LGR6: variants seen among roughly 807,000 people sequenced by gnomAD.
LGR6 encodes leucine rich repeat containing G protein-coupled receptor 6.
Under a neutral mutation model 69.4 loss-of-function variants are expected in LGR6, and 45 were observed. That is an observed-to-expected ratio of 0.65 (90% CI 0.51 to 0.83). LGR6 has a LOEUF of 0.83. LGR6 is among the 40% of genes least tolerant of loss of function. The pLI is 0.00. For synonymous variants in LGR6, 538 were observed against 555.0 expected (o/e 0.97, Z 0.43); for missense variants, 1,108 against 1,246.7 (o/e 0.89, Z 1.68).
chr1:202,303,097 C>A (rs1667725097), intron 9 of LGR6, among the ~76,000 whole-genome samples, 182 bp from the exon 10 acceptor site: 1 of 152,078 alleles, frequency 6.6e-6, no homozygotes, highest in Admixed American at 6.5e-5. Flanking sequence ...GCTGGTTGGA[C>A]CCTGCTAAGT....
chr1:202,310,116 T>A (rs1282065801), intron 15 of LGR6, 81 bp from the exon 16 acceptor site: 1 of 1,439,208 alleles, frequency 6.9e-7, no homozygotes, highest in African/African-American at 1.4e-5. Flanking sequence ...AGCCCCTGGG[T>A]TGCAGATCTC....
At chr1:202,273,099 C>T (rs926070839) in intron 4 of LGR6, among the ~76,000 whole-genome samples, 1 of 152,174 alleles carries the variant, frequency 6.6e-6, no homozygotes, top group African/African-American at 2.4e-5. Flanking sequence ...AGTTGTGGGG[C>T]CTTGGGGGGC....
chr1:202,273,386 G>A (rs574742364), intron 4 of LGR6, among the ~76,000 whole-genome samples: 1 of 152,174 alleles, frequency 6.6e-6, no homozygotes, highest in Non-Finnish European at 1.5e-5. Context: ...CCAGATCTGC[G>A]AGATGTGTCA....
At chr1:202,244,050 C>T (rs180797054) in intron 4 of LGR6, among the ~76,000 whole-genome samples, 394 of 152,170 alleles carry the variant, frequency 2.6e-3, no homozygotes, top group African/African-American at 8.8e-3. Context: ...TTCCACCTGC[C>T]GGGTTCAAGC....
chr1:202,301,793 G>A (rs1266753387), intron 9 of LGR6, among the ~76,000 whole-genome samples: 1 of 152,034 alleles, frequency 6.6e-6, no homozygotes, highest in Non-Finnish European at 1.5e-5. Context: ...GAGGCGGGTG[G>A]ATCACTTGAG....
chr1:202,296,383 T>C (rs2148240556), intron 6 of LGR6, among the ~76,000 whole-genome samples: 1 of 152,292 alleles, frequency 6.6e-6, no homozygotes, highest in East Asian at 1.9e-4. Context: ...TTGGAAGCTC[T>C]TCGATGATAG....
intron 4 of LGR6, among the ~76,000 whole-genome samples, chr1:202,261,860 CT>C: frequency 6.6e-6 from 1 of 152,132 alleles, no homozygotes; most frequent in East Asian, 1.9e-4. Flanking sequence ...TTTCATGTGT[CT>C]TTTGGCTGCA....
intron 1 of LGR6, chr1:202,214,377 C>G (rs752927469): frequency 9.3e-6 from 8 of 864,180 alleles, no homozygotes; most frequent in African/African-American, 7.3e-5. Flanking sequence ...TTCTGGGAGC[C>G]GAGGCCGCCT....
intron 4 of LGR6, among the ~76,000 whole-genome samples, chr1:202,260,766 A>G (rs1664165709): frequency 6.6e-6 from 1 of 152,134 alleles, no homozygotes; most frequent in Non-Finnish European, 1.5e-5. Context: ...TTTGTGGCCA[A>G]CTAACTAATA....
chr1:202,204,362 ACACACACACCTCCACAC>A lies in LGR6; in HGVS notation c.212+10162_212+10178del, dbSNP rs1658962493. ...CACCTCCACACACACACACCTCCAC[ACACACACACCTCCACAC>A]ACACACCTCCACACACACACCTCCA... On this transcript the variant is annotated intron_variant, in intron 1 of 17. Coordinates refer to ENST00000367278, the MANE Select transcript of LGR6 (RefSeq NM_001017403.2). Among the ~76,000 whole-genome samples the A allele has an allele frequency of 2.5e-5, 3 of 122,186 alleles. No homozygotes were observed. The South Asian group carries it at 8.4e-4, about 34-fold the overall frequency. 80.2% of individuals were successfully genotyped at this position (122,186 alleles called of 152,430 possible).
Position 202,314,792 on chromosome 1 carries a change from C to T in LGR6, c.1568-10C>T, listed in dbSNP as rs747411499. The T allele has an allele frequency of 1.2e-6, 2 of 1,611,170 alleles. No individual in the cohort carries two copies. The highest frequency in any genetic ancestry group is 2.2e-5 in the South Asian group (2 of 91,002). ...CCCAGGACCCTGCATCACTTTGTCT[C>T]TCCTTTCAGATGACCAGGACCTGGA... is the stretch of plus-strand genomic sequence containing the variant. On this transcript the variant is annotated splice_polypyrimidine_tract_variant and intron_variant, in intron 16 of 17. Coordinates refer to ENST00000367278, the MANE Select transcript of LGR6 (RefSeq NM_001017403.2).
At chr1:202,310,987 G>A (rs1283593731) in intron 16 of LGR6, among the ~76,000 whole-genome samples, 2 of 152,010 alleles carry the variant, frequency 1.3e-5, no homozygotes, top group Non-Finnish European at 2.9e-5. Flanking sequence ...TTCTGGAAGA[G>A]TTAGGGTAAA....
At chr1:202,226,696 T>C (rs1660578069) in intron 2 of LGR6, among the ~76,000 whole-genome samples, 1 of 152,144 alleles carries the variant, frequency 6.6e-6, no homozygotes, top group African/African-American at 2.4e-5. Flanking sequence ...CAGGTGAGGC[T>C]GAAGAGTAGT....
rs750355096 is a variant in LGR6 at position 202,305,714 on chromosome 1, G to T, written c.1101G>T (p.Leu367=). The stretch of plus-strand genomic sequence containing the variant: ...TGTCTCACAATCAAATTGAGGAGCT[G>T]CCCAGCCTGCACAGGTGTCAGAAAT... ...LELSHNQIEE[L]PSLHRCQKLE... The change falls in exon 12 of 18, where the codon CTG becomes CTT. Residue 367 remains leucine, a synonymous_variant. Coordinates refer to ENST00000367278, the MANE Select transcript of LGR6 (RefSeq NM_001017403.2). The T allele has an allele frequency of 2.5e-6, 4 of 1,613,952 alleles. No individual in the cohort carries two copies. The highest frequency in any genetic ancestry group is 1.3e-5 in the African/African-American group (1 of 74,898).
In LGR6 at chr1:202,314,945, T is replaced by A. The variant is rs1016287893; in HGVS notation, c.1648+63T>A. ...GGAGAAAGGGCACCCAACCACCTAG[T>A]TGAGGTATTAGTTCAGCCTGGCATG... On this transcript the variant is annotated intron_variant, in intron 17 of 17. Transcript: ENST00000367278. 75 of 1,218,952 alleles carry A rather than the reference T, an allele frequency of 6.2e-5. No individual in the cohort carries two copies. In the East Asian group the frequency reaches 1.8e-3, roughly 29 times the overall value. 75.5% of individuals were successfully genotyped at this position (1,218,952 alleles called of 1,614,324 possible).
chr1:202,244,689 C>A (rs1247106475), intron 4 of LGR6, among the ~76,000 whole-genome samples: 1 of 152,198 alleles, frequency 6.6e-6, no homozygotes, highest in Non-Finnish European at 1.5e-5. Context: ...ATCCTTAATA[C>A]ATTTGCAAAG....
chr1:202,241,162 A>C (rs1341401008), intron 4 of LGR6, among the ~76,000 whole-genome samples: 1 of 152,188 alleles, frequency 6.6e-6, no homozygotes, highest in Non-Finnish European at 1.5e-5. Flanking sequence ...CAGCAAATGG[A>C]AATGTCTTTC....
At chr1:202,271,253 T>C (rs568960046) in intron 4 of LGR6, among the ~76,000 whole-genome samples, 83 of 152,198 alleles carry the variant, frequency 5.5e-4, no homozygotes, top group African/African-American at 2.0e-3. Flanking sequence ...GCTCGGAGAC[T>C]CCTTCAGCAA....
chr1:202,295,750 G>A (rs985701315), intron 6 of LGR6, among the ~76,000 whole-genome samples: 13 of 152,208 alleles, frequency 8.5e-5, no homozygotes, highest in South Asian at 2.1e-4. Flanking sequence ...AAGGTTTGAC[G>A]CATGAGAGGC....
Sources: gnomAD v4.1 joint callset for allele counts (sites outside exome capture counted in the v4.1 genomes callset) on GRCh38, gnomAD v4.1.1 for gene constraint, MANE v1.5 for transcripts, NCBI Gene and HGNC (gene_info 2026-07-23, HGNC 2026-07-21) for gene names.